PRR19: variants seen among roughly 807,000 people sequenced by gnomAD.
PRR19 encodes proline rich 19, also known as proline-rich protein 19.
PRR19 carries 9 observed loss-of-function variants against 19.2 expected under a neutral mutation model. The ratio of observed to expected loss-of-function variants is 0.47; its 90% CI spans 0.28 to 0.82. PRR19 has a LOEUF of 0.82. Among genes scored for constraint, PRR19 ranks in the 40% least tolerant of loss-of-function variants. The pLI is 0.11. For missense variants in PRR19, 457 were observed against 466.0 expected (o/e 0.98, Z 0.18); for synonymous variants, 190 against 191.0 (o/e 0.99, Z 0.04).
At chr19:42,303,510 G>C (rs2038672637) in intron 1 of PRR19, 1 of 152,192 alleles carries the variant, frequency 6.6e-6, no homozygotes, top group Admixed American at 6.6e-5. Context: ...GGACCAGGTG[G>C]GGGGCTCACT....
rs2038756937 is a variant in PRR19 at position 42,309,502 on chromosome 19, C to T, written c.-6-77C>T. The T allele has an allele frequency of 3.4e-6, 4 of 1,182,232 alleles. No homozygotes were observed. The Admixed American group carries it at 7.0e-5, about 21-fold the overall frequency. 73.2% of individuals were successfully genotyped at this position (1,182,232 alleles called of 1,614,324 possible). The stretch of plus-strand genomic sequence containing the variant: ...GGTATTACAGGCATAAGCCACCGCG[C>T]CCAGCCCTCCCTATTCACTTTGCTA... On this transcript the variant is annotated intron_variant, in intron 1 of 2. Transcript: ENST00000341747.
rs547018745 is a variant in PRR19 at position 42,304,114 on chromosome 19, C to CAAA, written c.-7+1625_-7+1627dup. Among the ~76,000 whole-genome samples, 203 of 113,476 alleles carry CAAA rather than the reference C, an allele frequency of 1.8e-3. 1 individual carries two copies. The highest frequency in any genetic ancestry group is 5.4e-3 in the African/African-American group (175 of 32,672). The allele number at this position is 113,476 out of a possible 152,430, so 74.4% of individuals were successfully genotyped here. A position where few individuals can be genotyped will look rare whatever the true frequency, so the allele number is the denominator to read the frequency against. ...CGAAACCACGTGTCTACTAAATATA[C>CAAA]AAAAAAAAAAAAAAAATTAGCTAGG... On this transcript the variant is annotated intron_variant, in intron 1 of 2. Coordinates refer to ENST00000341747, the MANE Select transcript of PRR19 (RefSeq NM_199285.3).
Position 42,302,243 on chromosome 19 carries a change from A to T in PRR19, c.-267A>T. 1 of 1,599,842 alleles carries T rather than the reference A, an allele frequency of 6.3e-7. No homozygotes were observed. The highest frequency in any genetic ancestry group is 8.5e-7 in the Non-Finnish European group (1 of 1,173,486). On this transcript the variant is annotated 5_prime_UTR_variant, in exon 1 of 3. Coordinates refer to ENST00000341747, the MANE Select transcript of PRR19 (RefSeq NM_199285.3). ...GTGGGAACGCTCACCAGGGACATCC[A>T]GCGCCCGTCGCCCTGTACGTCCTGC... is the stretch of plus-strand genomic sequence containing the variant.
chr19:42,304,008 G>A (rs146557108), intron 1 of PRR19, among the ~76,000 whole-genome samples: 2 of 152,174 alleles, frequency 1.3e-5, no homozygotes, highest in African/African-American at 4.8e-5. Flanking sequence ...GGCCAGCATG[G>A]AGGCTCATGC....
At chr19:42,304,471 G>T (rs926031940) in intron 1 of PRR19, among the ~76,000 whole-genome samples, 1 of 141,332 alleles carries the variant, frequency 7.1e-6, no homozygotes, top group Non-Finnish European at 1.5e-5. Flanking sequence ...AAAAAAAAAA[G>T]GCTGGGCGCG....
intron 1 of PRR19, among the ~76,000 whole-genome samples, chr19:42,307,383 A>G (rs1212534709): frequency 6.6e-6 from 1 of 151,878 alleles, no homozygotes; most frequent in Non-Finnish European, 1.5e-5. Flanking sequence ...CTGGTCCCCC[A>G]AATCCCTCCA....
Position 42,309,595 on chromosome 19 carries a change from A to C in PRR19, c.11A>C (p.Gln4Pro), listed in dbSNP as rs771247048. 1 of 1,525,544 alleles carries C rather than the reference A, an allele frequency of 6.6e-7. No individual in the cohort carries two copies. The highest frequency in any genetic ancestry group is 8.8e-7 in the Non-Finnish European group (1 of 1,134,356). 94.5% of individuals were successfully genotyped at this position (1,525,544 alleles called of 1,614,324 possible). A position where few individuals can be genotyped will look rare whatever the true frequency, so the allele number is the denominator to read the frequency against. Residue 4 changes from glutamine to proline, a missense_variant, in exon 2 of 3, where the codon CAG (glutamine) becomes CCG (proline). Coordinates refer to ENST00000341747, the MANE Select transcript of PRR19 (RefSeq NM_199285.3). The part of the protein sequence containing the change: MDT[Q>P]GPVSQPFQQP... ...ATATTCCAGGACACCATGGATACCC[A>C]GGGACCAGTCTCCCAGCCTTTTCAG...
intron 1 of PRR19, among the ~76,000 whole-genome samples, chr19:42,307,984 C>T (rs894214479): frequency 1.3e-5 from 2 of 148,750 alleles, no homozygotes; most frequent in Non-Finnish European, 3.0e-5. Context: ...GTCTCCATCT[C>T]CTGACCTGGT....
At chr19:42,309,398 A>G (rs978739416) in intron 1 of PRR19, 181 bp from the exon 2 acceptor site, 7 of 497,598 alleles carry the variant, frequency 1.4e-5, no homozygotes, top group African/African-American at 5.7e-5. Context: ...CAGTAAAGAC[A>G]GCATTTTGCC....
At position 42,309,856 on chromosome 19, in the gene PRR19, G is replaced by A. The variant is rs1188165935; in HGVS notation, c.272G>A (p.Ser91Asn). Reference protein sequence around the residue: ...VKSLDVARLLSSGTLVPGSPT... With the variant: ...VKSLDVARLLNSGTLVPGSPT... The stretch of plus-strand genomic sequence containing the variant: ...TCCCTAGATGTTGCAAGGCTGCTTA[G>A]CAGTGGGACCCTGGTGCCAGGCAGC... Residue 91 changes from serine to asparagine, a missense_variant, in exon 2 of 3, where the codon AGC (serine) becomes AAC (asparagine). By Grantham distance (46) the Ser-to-Asn change is conservative. Coordinates refer to ENST00000341747, the MANE Select transcript of PRR19 (RefSeq NM_199285.3). 2.5e-6 allele frequency: 4 copies of A among 1,613,990 alleles called. No individual in the cohort carries two copies. The highest frequency in any genetic ancestry group is 3.4e-6 in the Non-Finnish European group (4 of 1,180,016).
rs267605513 is a variant in PRR19 at position 42,310,275 on chromosome 19, C to T, written c.606C>T (p.Ala202=). 6 of 1,614,120 alleles carry T rather than the reference C, an allele frequency of 3.7e-6. No individual in the cohort carries two copies. Among genetic ancestry groups the T allele is most frequent in the Non-Finnish European group, 5.1e-6 (6 of 1,180,004 alleles). ...TGCTTCTTTCCTCTGTGCCAGGGGCCAAGCCTGGGGTCTCTGAGAGAAAGA... is the reference window on the plus strand; with the variant it reads ...TGCTTCTTTCCTCTGTGCCAGGGGCTAAGCCTGGGGTCTCTGAGAGAAAGA... ...LRGCQPPLPG[A]KPGVSERKMT... The change falls in exon 3 of 3, where the codon GCC becomes GCT. Residue 202 remains alanine, a synonymous_variant. Transcript: ENST00000341747.
Position 42,310,165 on chromosome 19 carries a change from G to A in PRR19, c.581G>A (p.Gly194Asp). ...CVPDLALVLR[G>D]CQPPLPGAKP... The stretch of plus-strand genomic sequence containing the variant: ...CCTGACCTTGCCCTGGTGCTTCGGG[G>A]CTGCCAGCCACCCTTGCCAGGTGAG... Residue 194 changes from glycine (G) to aspartate (D), a missense_variant, in exon 2 of 3, where the codon GGC (glycine) becomes GAC (aspartate). Coordinates refer to ENST00000341747, the MANE Select transcript of PRR19 (RefSeq NM_199285.3). The A allele has an allele frequency of 1.9e-6, 3 of 1,614,038 alleles. No individual in the cohort carries two copies. The highest frequency in any genetic ancestry group is 2.5e-6 in the Non-Finnish European group (3 of 1,180,026).
intron 1 of PRR19, among the ~76,000 whole-genome samples, chr19:42,307,788 C>T (rs1429490617): frequency 1.0e-4 from 12 of 119,390 alleles, no homozygotes; most frequent in African/African-American, 3.6e-4. Context: ...GATGGAGTCT[C>T]GCTCGGTCAT....
Position 42,309,727 on chromosome 19 carries a change from C to A in PRR19, c.143C>A (p.Ala48Asp). ...RPLAHHDPPV[A>D]IRDPPVVPTA... ...TTAGCCCACCACGATCCTCCTGTGG[C>A]CATTCGGGATCCACCTGTGGTCCCT... The change falls in exon 2 of 3, where the codon GCC (alanine) becomes GAC (aspartate). Residue 48 changes from alanine to aspartate, a missense_variant. Ala to Asp is a moderately radical substitution (Grantham distance 126, BLOSUM62 -2). Coordinates refer to ENST00000341747, the MANE Select transcript of PRR19 (RefSeq NM_199285.3). 3 of 1,607,548 alleles carry A rather than the reference C, an allele frequency of 1.9e-6. No individual in the cohort carries two copies. The highest frequency in any genetic ancestry group is 2.6e-6 in the Non-Finnish European group (3 of 1,175,048).
chr19:42,303,075 GT>G lies in PRR19; in HGVS notation c.-7+573del, dbSNP rs1249095420. 1.3e-4 allele frequency among the ~76,000 whole-genome samples: 18 copies of G among 142,520 alleles called. No homozygotes were observed. The South Asian group carries it at 1.9e-3, about 15-fold the overall frequency. 93.5% of individuals were successfully genotyped at this position (142,520 alleles called of 152,430 possible). Reference sequence around the variant, plus strand: ...CTCAAAACACCGTGGGTGTGTGTGTGTGTGTGTGTGTGTGTGTGTGTGTGTG... The same window carrying G: ...CTCAAAACACCGTGGGTGTGTGTGTGGTGTGTGTGTGTGTGTGTGTGTGTG... On this transcript the variant is annotated intron_variant, in intron 1 of 2. Transcript: ENST00000341747.
chr19:42,309,941 G>A lies in PRR19; in HGVS notation c.357G>A (p.Arg119=), dbSNP rs1291167961. ...GCAGGGCCCAGGAACCAGCCCCACG[G>A]TCCAGGGACAAAGAGAACCAGGTGC... ...SPGRAQEPAP[R]SRDKENQVPG... Residue 119 remains arginine, a synonymous_variant, in exon 2 of 3, where the codon CGG becomes CGA. Coordinates refer to ENST00000341747, the MANE Select transcript of PRR19 (RefSeq NM_199285.3). 3.7e-6 allele frequency: 6 copies of A among 1,613,778 alleles called. No individual in the cohort carries two copies. The highest frequency in any genetic ancestry group is 4.2e-6 in the Non-Finnish European group (5 of 1,179,948).
At position 42,309,917 on chromosome 19, in the gene PRR19, C is replaced by A; in HGVS notation, c.333C>A (p.Gly111=). ...TLPAKPSPSP[G]RAQEPAPRSR... is the part of the protein sequence containing the mutation. The stretch of plus-strand genomic sequence containing the variant: ...CCGCCAAGCCCTCCCCAAGCCCAGG[C>A]AGGGCCCAGGAACCAGCCCCACGGT... The change falls in exon 2 of 3, where the codon GGC becomes GGA. Residue 111 remains glycine (G), a synonymous_variant. Transcript: ENST00000341747. The A allele has an allele frequency of 3.1e-6, 5 of 1,613,918 alleles. No homozygotes were observed. Among genetic ancestry groups the A allele is most frequent in the Non-Finnish European group, 4.2e-6 (5 of 1,179,930 alleles).
chr19:42,309,943 C>T lies in PRR19; in HGVS notation c.359C>T (p.Ser120Phe). The T allele has an allele frequency of 6.2e-7, 1 of 1,613,922 alleles. No individual in the cohort carries two copies. The highest frequency in any genetic ancestry group is 1.1e-5 in the South Asian group (1 of 91,062). Residue 120 changes from serine to phenylalanine, a missense_variant, in exon 2 of 3, where the codon TCC becomes TTC. Physicochemically the swap from Ser to Phe is radical, Grantham distance 155. Transcript: ENST00000341747. ...AGGGCCCAGGAACCAGCCCCACGGT[C>T]CAGGGACAAAGAGAACCAGGTGCCT... Reference protein sequence around the residue: ...PGRAQEPAPRSRDKENQVPGG... With the variant: ...PGRAQEPAPRFRDKENQVPGG...
chr19:42,304,162 C>T (rs1352182618), intron 1 of PRR19, among the ~76,000 whole-genome samples: 2 of 151,810 alleles, frequency 1.3e-5, no homozygotes, highest in African/African-American at 2.4e-5. Flanking sequence ...CGCCCGTAGT[C>T]CCAGCTACTT....
Sources: gnomAD v4.1 joint callset for allele counts (sites outside exome capture counted in the v4.1 genomes callset) on GRCh38, gnomAD v4.1.1 for gene constraint, MANE v1.5 for transcripts, NCBI Gene and HGNC (gene_info 2026-07-23, HGNC 2026-07-21) for gene names.